The following TDRD5 variants were observed in gnomAD, a reference collection of about 807,000 sequenced individuals.
TDRD5 encodes tudor domain containing 5.
TDRD5 carries 41 observed loss-of-function variants against 120.6 expected under a neutral mutation model. The ratio of observed to expected loss-of-function variants is 0.34; its 90% CI spans 0.26 to 0.44. TDRD5 has a LOEUF of 0.44. Among genes scored for constraint, TDRD5 ranks in the 20% least tolerant of loss-of-function variants. The pLI, the probability that TDRD5 is intolerant of heterozygous loss-of-function variation, is 1.00. For missense variants in TDRD5, 1,006 were observed against 1,221.2 expected (o/e 0.82, Z 2.63); for synonymous variants, 430 against 433.7 (o/e 0.99, Z 0.11).
intron 8 of TDRD5, 144 bp downstream of exon 8, chr1:179,634,773 A>G (rs886712425): frequency 4.9e-6 from 5 of 1,014,356 alleles, no homozygotes; most frequent in Admixed American, 6.4e-5. Context: ...TTTGTATTGA[A>G]GTTATGTCAT....
At chr1:179,620,032 GTC>G (rs1172400466) in intron 5 of TDRD5, among the ~76,000 whole-genome samples, 1 of 152,126 alleles carries the variant, frequency 6.6e-6, no homozygotes, top group Non-Finnish European at 1.5e-5. Flanking sequence ...GTTTATATAT[GTC>G]TCTCTCAGTT....
chr1:179,652,940 A>G (rs946303173), intron 13 of TDRD5, among the ~76,000 whole-genome samples: 8 of 152,218 alleles, frequency 5.3e-5, no homozygotes, highest in Non-Finnish European at 1.2e-4. Flanking sequence ...TATATATGCA[A>G]CATAAATGAA....
At chr1:179,642,649 T>A (rs1572387876) in intron 11 of TDRD5, among the ~76,000 whole-genome samples, 2 of 152,340 alleles carry the variant, frequency 1.3e-5, no homozygotes, top group Admixed American at 1.3e-4. Flanking sequence ...TGTTTGTGCA[T>A]GACAGTGTGA....
intron 4 of TDRD5, among the ~76,000 whole-genome samples, chr1:179,597,963 G>A (rs570748804): frequency 1.3e-5 from 2 of 152,132 alleles, no homozygotes; most frequent in Non-Finnish European, 2.9e-5. Flanking sequence ...ATATAGTCCT[G>A]TGTCAATGAC....
chr1:179,620,589 T>C (rs1676788682), intron 5 of TDRD5, among the ~76,000 whole-genome samples: 1 of 152,176 alleles, frequency 6.6e-6, no homozygotes. Context: ...TAAATAGATA[T>C]TTTGATGTAC....
intron 17 of TDRD5, among the ~76,000 whole-genome samples, chr1:179,676,769 A>T (rs951346929): frequency 5.9e-5 from 9 of 152,238 alleles, no homozygotes; most frequent in Non-Finnish European, 1.2e-4. Context: ...TTTGCCTCAC[A>T]GCTCTTAAGA....
At chr1:179,679,893 T>A (rs1306861406) in intron 17 of TDRD5, among the ~76,000 whole-genome samples, 1 of 152,122 alleles carries the variant, frequency 6.6e-6, no homozygotes, top group African/African-American at 2.4e-5. Flanking sequence ...CTTTTTCTAG[T>A]TTTTCAAATT....
At position 179,593,477 on chromosome 1, in the gene TDRD5, A is replaced by T; in HGVS notation, c.250A>T (p.Thr84Ser). ...VILKAIPDES[T>S]KGIASLVAKQ... ...CGTCTCAGCCATTCCAGATGAATCTACCAAAGGAATAGCAAGCTTAGTTGC... is the reference window on the plus strand; with the variant it reads ...CGTCTCAGCCATTCCAGATGAATCTTCCAAAGGAATAGCAAGCTTAGTTGC... The change falls in exon 3 of 18, where the codon ACC becomes TCC. Residue 84 changes from threonine (T) to serine (S), a missense_variant. Thr to Ser is a moderately conservative substitution (Grantham distance 58). This residue lies in a region of TDRD5 where 445 missense variants were observed against 515.5 expected (regional missense o/e 0.86). Coordinates refer to ENST00000444136, the MANE Select transcript of TDRD5 (RefSeq NM_001199085.3). 6.2e-7 allele frequency: 1 copy of T among 1,613,128 alleles called. No individual in the cohort carries two copies. The highest frequency in any genetic ancestry group is 8.5e-7 in the Non-Finnish European group (1 of 1,179,098).
intron 14 of TDRD5, among the ~76,000 whole-genome samples, chr1:179,655,894 G>A (rs544079190): frequency 6.6e-6 from 1 of 152,242 alleles, no homozygotes; most frequent in South Asian, 2.1e-4. Context: ...CTAGTTTGGG[G>A]TATTTATGAA....
At position 179,592,706 on chromosome 1, in the gene TDRD5, T is replaced by C. The variant is rs1180380198; in HGVS notation, c.91T>C (p.Leu31=). 3.7e-6 allele frequency: 6 copies of C among 1,613,596 alleles called. No homozygotes were observed. In the African/African-American group the frequency reaches 5.4e-5, roughly 14 times the overall value. The part of the protein sequence containing the change: ...STKDGLSPQE[L]EKEYLLMVGN... ...CAAAGATGGTTTGAGCCCACAGGAGTTGGAGAAGGAGTACCTTTTGATGGT... is the reference window on the plus strand; with the variant it reads ...CAAAGATGGTTTGAGCCCACAGGAGCTGGAGAAGGAGTACCTTTTGATGGT... The change falls in exon 2 of 18, where the codon TTG becomes CTG. Residue 31 remains leucine (L), a synonymous_variant. Transcript: ENST00000444136.
At chr1:179,661,532 A>G (rs951369462) in intron 14 of TDRD5, among the ~76,000 whole-genome samples, 1 of 152,008 alleles carries the variant, frequency 6.6e-6, no homozygotes, top group Non-Finnish European at 1.5e-5. Context: ...AAAAACTTTC[A>G]TTTGATTCCT....
At position 179,662,292 on chromosome 1, in the gene TDRD5, A is replaced by G. The variant is rs539026820; in HGVS notation, c.2505+6A>G. Reference sequence around the variant, plus strand: ...GTAAAGAAATGCCACAGAAGGTTAGATCCTTGGAAAAATAGAAAGCAAATC... The same window carrying G: ...GTAAAGAAATGCCACAGAAGGTTAGGTCCTTGGAAAAATAGAAAGCAAATC... On this transcript the variant is annotated splice_donor_region_variant and intron_variant, in intron 15 of 17. Transcript: ENST00000444136. The G allele has an allele frequency of 1.1e-4, 171 of 1,600,054 alleles. 1 individual carries two copies. In the South Asian group the frequency reaches 1.8e-3, roughly 17 times the overall value.
chr1:179,630,695 C>T, intron 6 of TDRD5, 72 bp from the exon 7 acceptor site: 1 of 1,492,236 alleles, frequency 6.7e-7, no homozygotes, highest in South Asian at 1.3e-5. Context: ...TTTGGTTGTC[C>T]AAGGACAACT....
chr1:179,631,858 T>TTC (rs962374825), intron 7 of TDRD5, among the ~76,000 whole-genome samples: 2 of 149,368 alleles, frequency 1.3e-5, no homozygotes, highest in Non-Finnish European at 3.0e-5. Context: ...TTGATTTTTT[T>TTC]TTTTTTTTTT....
intron 4 of TDRD5, among the ~76,000 whole-genome samples, chr1:179,596,642 C>T (rs1041497210): frequency 6.6e-6 from 1 of 152,180 alleles, no homozygotes; most frequent in Non-Finnish European, 1.5e-5. Flanking sequence ...ATGTATATAT[C>T]AGTAATTTGT....
At chr1:179,615,423 A>G (rs2101957693) in intron 4 of TDRD5, among the ~76,000 whole-genome samples, 1 of 152,238 alleles carries the variant, frequency 6.6e-6, no homozygotes, top group East Asian at 1.9e-4. Flanking sequence ...TTGCCTATTC[A>G]TGTTTTGATT....
At chr1:179,597,340 T>C (rs1335146696) in intron 4 of TDRD5, among the ~76,000 whole-genome samples, 1 of 146,984 alleles carries the variant, frequency 6.8e-6, no homozygotes, top group East Asian at 1.9e-4. Flanking sequence ...TTCTTTTTTT[T>C]TTTTTTTTTG....
chr1:179,654,468 T>G, intron 14 of TDRD5, 106 bp downstream of exon 14: 2 of 1,235,450 alleles, frequency 1.6e-6, no homozygotes, highest in African/African-American at 3.0e-5. Flanking sequence ...CTGCTTTTAG[T>G]ATTACAAATT....
chr1:179,671,842 G>T (rs545772459), intron 17 of TDRD5, among the ~76,000 whole-genome samples: 1 of 152,048 alleles, frequency 6.6e-6, no homozygotes, highest in Admixed American at 6.6e-5. Flanking sequence ...ACGATATTTG[G>T]TTTTCCATTC....
Sources: gnomAD v4.1 joint callset for allele counts (sites outside exome capture counted in the v4.1 genomes callset) on GRCh38, gnomAD v4.1.1 for gene constraint, gnomAD v4.1.1 regional missense constraint, MANE v1.5 for transcripts, NCBI Gene and HGNC (gene_info 2026-07-23, HGNC 2026-07-21) for gene names.